ENTREP2: variants seen among roughly 807,000 people sequenced by gnomAD.
ENTREP2 encodes protein ENTREP2.
At chr15:29,563,101 CCTT>C in the ENTREP2 span, among the ~76,000 whole-genome samples, 1 of 152,142 alleles carries the variant, frequency 6.6e-6, no homozygotes, top group African/African-American at 2.4e-5. Flanking sequence ...AAGTTTTTCT[CCTT>C]ATCTTTAAAA....
At chr15:29,498,666 A>G in the ENTREP2 span, among the ~76,000 whole-genome samples, 1,001 of 152,242 alleles carry the variant, frequency 6.6e-3, 5 homozygotes, top group African/African-American at 0.023. Flanking sequence ...TATATCTGTT[A>G]GGTCTACTTG....
At chr15:29,466,825 G>A in the ENTREP2 span, among the ~76,000 whole-genome samples, 1 of 138,378 alleles carries the variant, frequency 7.2e-6, no homozygotes, top group Non-Finnish European at 1.6e-5. Flanking sequence ...AGGGCCCAGG[G>A]GAGGATGCTG....
the ENTREP2 span, among the ~76,000 whole-genome samples, chr15:29,624,467 T>G: frequency 6.6e-6 from 1 of 152,170 alleles, no homozygotes; most frequent in Non-Finnish European, 1.5e-5. Flanking sequence ...AAGCAATATG[T>G]CTCCATCTGA....
chr15:29,485,844 T>C, the ENTREP2 span, among the ~76,000 whole-genome samples: 1 of 152,210 alleles, frequency 6.6e-6, no homozygotes, highest in Admixed American at 6.5e-5. Context: ...CAATGGCTAT[T>C]ATCAAAAAGA....
chr15:29,262,619 T>C, the ENTREP2 span, among the ~76,000 whole-genome samples: 1 of 152,238 alleles, frequency 6.6e-6, no homozygotes. Flanking sequence ...TCCCCATACC[T>C]TGCCCTATGC....
At chr15:29,399,096 T>A in the ENTREP2 span, among the ~76,000 whole-genome samples, 1 of 152,152 alleles carries the variant, frequency 6.6e-6, no homozygotes, top group Non-Finnish European at 1.5e-5. Flanking sequence ...AGCTGAGAGC[T>A]TCCCCACCCA....
At chr15:29,400,410 T>A in the ENTREP2 span, among the ~76,000 whole-genome samples, 2 of 152,198 alleles carry the variant, frequency 1.3e-5, no homozygotes. Flanking sequence ...AAAGACTTCA[T>A]GACTAGATGG....
chr15:29,136,581 AG>A, the ENTREP2 span: 1 of 1,445,038 alleles, frequency 6.9e-7, no homozygotes, highest in Admixed American at 2.6e-5. Flanking sequence ...CCGCCAGAGC[AG>A]GGGCGGCCAG....
the ENTREP2 span, among the ~76,000 whole-genome samples, chr15:29,129,790 C>G: frequency 1.3e-5 from 2 of 152,186 alleles, no homozygotes; most frequent in Non-Finnish European, 2.9e-5. Context: ...CAGAGGGCAT[C>G]AGGGCCTCCC....
At chr15:29,587,190 T>C in the ENTREP2 span, among the ~76,000 whole-genome samples, 1 of 142,848 alleles carries the variant, frequency 7.0e-6, no homozygotes. Flanking sequence ...TGTGTGTGTG[T>C]TTCGTAGCTC....
chr15:29,570,213 G>A, the ENTREP2 span, among the ~76,000 whole-genome samples: 2 of 150,258 alleles, frequency 1.3e-5, no homozygotes, highest in African/African-American at 4.9e-5. Flanking sequence ...CGCTCCCTCC[G>A]GCCGCTGCGG....
the ENTREP2 span, among the ~76,000 whole-genome samples, chr15:29,272,890 C>T: frequency 6.6e-6 from 1 of 152,138 alleles, no homozygotes; most frequent in African/African-American, 2.4e-5. Context: ...CATAGACTGG[C>T]CAGAACTACT....
At chr15:29,670,382 A>G in the ENTREP2 span, among the ~76,000 whole-genome samples, 1 of 151,460 alleles carries the variant, frequency 6.6e-6, no homozygotes, top group South Asian at 2.1e-4. Context: ...GGTGATTCCC[A>G]GGGACCTATA....
At chr15:29,357,763 C>T in the ENTREP2 span, among the ~76,000 whole-genome samples, 10 of 151,280 alleles carry the variant, frequency 6.6e-5, no homozygotes, top group Non-Finnish European at 1.2e-4. Context: ...GGCATGAACC[C>T]GGGAGGCGGA....
chr15:29,172,826 T>C, the ENTREP2 span, among the ~76,000 whole-genome samples: 2 of 151,866 alleles, frequency 1.3e-5, no homozygotes, highest in African/African-American at 4.8e-5. Context: ...TGGCTGAACC[T>C]CCCCCTCTCA....
At chr15:29,214,481 T>C in the ENTREP2 span, among the ~76,000 whole-genome samples, 1 of 152,112 alleles carries the variant, frequency 6.6e-6, no homozygotes, top group Non-Finnish European at 1.5e-5. Flanking sequence ...AGGTAGGAAC[T>C]GAACAATGAG....
chr15:29,208,611 G>C, the ENTREP2 span, among the ~76,000 whole-genome samples: 22 of 152,098 alleles, frequency 1.4e-4, no homozygotes, highest in African/African-American at 5.1e-4. Flanking sequence ...AAATTAATAC[G>C]AACAACTTCG....
chr15:29,360,153 C>A, the ENTREP2 span, among the ~76,000 whole-genome samples: 1 of 152,194 alleles, frequency 6.6e-6, no homozygotes, highest in African/African-American at 2.4e-5. Context: ...TTTAAATTAA[C>A]TGTGCCACAG....
At chr15:29,467,652 A>C in the ENTREP2 span, among the ~76,000 whole-genome samples, 1 of 152,142 alleles carries the variant, frequency 6.6e-6, no homozygotes, top group African/African-American at 2.4e-5. Flanking sequence ...TGAAACTACC[A>C]CATCCCCCTG....
Sources: allele counts gnomAD v4.1 joint callset (sites outside exome capture counted in the v4.1 genomes callset), GRCh38; gene constraint gnomAD v4.1.1; transcripts MANE v1.5; gene names NCBI Gene and HGNC (gene_info 2026-07-23, HGNC 2026-07-21).